The following BDP1 variants were observed in gnomAD, a reference collection of about 807,000 sequenced individuals.
BDP1 encodes the protein BDP1 general transcription factor IIIB subunit.
Under a neutral mutation model 266.6 loss-of-function variants are expected in BDP1, and 169 were observed. The ratio of observed to expected loss-of-function variants is 0.63; its 90% CI spans 0.56 to 0.72. The LOEUF is 0.72. Among genes scored for constraint, BDP1 ranks in the 30% least tolerant of loss-of-function variants. The pLI, the probability that BDP1 is intolerant of heterozygous loss-of-function variation, is 0.00. For synonymous variants in BDP1, 1,090 were observed against 1,022.4 expected (o/e 1.07, Z -1.26); for missense variants, 3,015 against 3,053.8 (o/e 0.99, Z 0.30).
chr5:71,533,340 G>T (rs1049631511), intron 26 of BDP1, among the ~76,000 whole-genome samples: 2 of 152,034 alleles, frequency 1.3e-5, no homozygotes, highest in African/African-American at 4.8e-5. Flanking sequence ...TTCATCAGTT[G>T]AGGAACTGCC....
Position 71,542,157 on chromosome 5 carries a change from A to G in BDP1, c.6304A>G (p.Lys2102Glu), listed in dbSNP as rs995668558. The G allele has an allele frequency of 2.5e-6, 4 of 1,612,908 alleles. No homozygotes were observed. Among genetic ancestry groups the G allele is most frequent in the Non-Finnish European group, 3.4e-6 (4 of 1,179,620 alleles). Residue 2102 changes from lysine (K) to glutamate (E), a missense_variant, in exon 30 of 39, where the codon AAG (lysine) becomes GAG (glutamate). Lys to Glu is a moderately conservative substitution (Grantham distance 56). Coordinates refer to ENST00000358731, the MANE Select transcript of BDP1 (RefSeq NM_018429.3). ...TTTGAGAATAAGAAGTAGGCTTGCT[A>G]AGCCTAAACCAAATCTTGAGAAGAC... Reference protein sequence around the residue: ...SNLRIRSRLAKPKPNLEKTLG... With the variant: ...SNLRIRSRLAEPKPNLEKTLG...
intron 3 of BDP1, among the ~76,000 whole-genome samples, chr5:71,463,761 GAGGTTACATGGAGCTGAGATCAC>G (rs1024385957): frequency 1.7e-4 from 26 of 151,280 alleles, no homozygotes; most frequent in Admixed American, 1.7e-3. Flanking sequence ...TCAAGAAGTA[GAGGTTACATGGAGCTGAGATCAC>G]AGCACTGCAC....
At chr5:71,511,281 C>A in intron 17 of BDP1, 130 bp downstream of exon 17, 2 of 892,464 alleles carry the variant, frequency 2.2e-6, no homozygotes, top group Non-Finnish European at 3.4e-6. Flanking sequence ...TCTTTTGTAG[C>A]CCTAAGTTTC....
intron 1 of BDP1, among the ~76,000 whole-genome samples, chr5:71,456,932 A>G (rs1761225616): frequency 6.6e-6 from 1 of 152,188 alleles, no homozygotes; most frequent in Non-Finnish European, 1.5e-5. Flanking sequence ...CTGTGATAGG[A>G]AGGTGAAACA....
chr5:71,510,147 A>C lies in BDP1; in HGVS notation c.3055A>C (p.Ser1019Arg). ...ETDLNATGRE[S>R]SPREKTPEVI... ...AGATTTGAACGCAACTGGAAGAGAGAGTTCTCCAAGGGAGAAGACACCAGA... is the reference window on the plus strand; with the variant it reads ...AGATTTGAACGCAACTGGAAGAGAGCGTTCTCCAAGGGAGAAGACACCAGA... Residue 1019 changes from serine (S) to arginine (R), a missense_variant, in exon 17 of 39, where the codon AGT (serine) becomes CGT (arginine). Coordinates refer to ENST00000358731, the MANE Select transcript of BDP1 (RefSeq NM_018429.3). 6.2e-7 allele frequency: 1 copy of C among 1,613,848 alleles called. No homozygotes were observed. The highest frequency in any genetic ancestry group is 8.5e-7 in the Non-Finnish European group (1 of 1,179,940).
At chr5:71,470,319 A>G in intron 6 of BDP1, 76 bp from the exon 7 acceptor site, 1 of 1,124,522 alleles carries the variant, frequency 8.9e-7, no homozygotes, top group South Asian at 1.4e-5. Context: ...AGTACTGTCA[A>G]ATTCTGTAAG....
chr5:71,553,161 A>T lies in BDP1; in HGVS notation c.7041A>T (p.Leu2347Phe), dbSNP rs1340620185. 3 of 1,613,158 alleles carry T rather than the reference A, an allele frequency of 1.9e-6. No homozygotes were observed. In the South Asian group the frequency reaches 3.3e-5, roughly 18 times the overall value. Residue 2347 changes from leucine (L) to phenylalanine (F), a missense_variant, in exon 35 of 39, where the codon TTA becomes TTT. Physicochemically the swap from Leu to Phe is conservative, Grantham distance 22. Around this residue, in one of 3 missense-constraint regions of BDP1, gnomAD observed 629 missense variants for 632.5 expected, o/e 0.99. Transcript: ENST00000358731. ...CAGTTGGTCAAGATGCCATGGGTTT[A>T]TCTATTTCTGGAAGAGATAATTCTA... ...ATSVGQDAMG[L>F]SISGRDNSKK...
At chr5:71,504,443 G>A (rs1265832015) in intron 15 of BDP1, among the ~76,000 whole-genome samples, 178 bp from the exon 16 acceptor site, 1 of 152,072 alleles carries the variant, frequency 6.6e-6, no homozygotes, top group Admixed American at 6.6e-5. Context: ...ATCCTAAAAG[G>A]AGTAACTCAT....
rs187778306 is a variant in BDP1 at position 71,559,999 on chromosome 5, C to T, written c.7258C>T (p.Gln2420Ter). 6.2e-7 allele frequency: 1 copy of T among 1,613,616 alleles called. No homozygotes were observed. The highest frequency in any genetic ancestry group is 8.5e-7 in the Non-Finnish European group (1 of 1,179,976). ...FEETGESHKG[Q>*]DIFLTSGSTL... ...TTTTGAAGGGGAGTCTCACAAGGGA[C>T]AAGATATTTTTCTTACCTCAGGAAG... is the stretch of plus-strand genomic sequence containing the variant. Residue 2420 changes from glutamine (Q) to a stop codon, truncating the protein, a stop_gained, in exon 37 of 39, where the codon CAA (glutamine) becomes TAA (stop). Transcript: ENST00000358731. LOFTEE classifies it high-confidence loss of function.
intron 33 of BDP1, 136 bp downstream of exon 33, chr5:71,548,881 A>G: frequency 1.5e-6 from 1 of 674,896 alleles, no homozygotes; most frequent in Admixed American, 2.7e-5. Flanking sequence ...TTATAGAAAC[A>G]CCTTGAAGTA....
In BDP1 at chr5:71,469,322, A is replaced by G. The variant is rs537078004; in HGVS notation, c.920-1073A>G. Among the ~76,000 whole-genome samples the G allele has an allele frequency of 8.8e-4, 133 of 151,974 alleles. 3 individuals carry two copies. The South Asian group carries it at 0.018, about 20-fold the overall frequency. On this transcript the variant is annotated intron_variant, in intron 6 of 38. Coordinates refer to ENST00000358731, the MANE Select transcript of BDP1 (RefSeq NM_018429.3). The stretch of plus-strand genomic sequence containing the variant: ...CCCAGCTAATTTTTGTGTTTTTAGT[A>G]GAGACGGGGTTTCACCATGTTGGCC...
chr5:71,531,229 G>T (rs1164403393), intron 25 of BDP1, among the ~76,000 whole-genome samples: 1 of 152,106 alleles, frequency 6.6e-6, no homozygotes, highest in Admixed American at 6.5e-5. Context: ...CGCAGCTGGG[G>T]TGACATGAGT....
chr5:71,501,115 C>A (rs1440753432), intron 13 of BDP1, among the ~76,000 whole-genome samples: 1 of 150,988 alleles, frequency 6.6e-6, no homozygotes, highest in African/African-American at 2.4e-5. Flanking sequence ...AAAAAAAATT[C>A]TCATCTGCAT....
At position 71,526,202 on chromosome 5, in the gene BDP1, C is replaced by T. The variant is rs1045881425; in HGVS notation, c.5772+1879C>T. On this transcript the variant is annotated intron_variant, in intron 25 of 38. Transcript: ENST00000358731. ...CTGCCATCCCGGCACCTCGGGAGGC[C>T]GAGGCTGGCGGATCACTCGCGGTTA... Among the ~76,000 whole-genome samples, 19 of 152,236 alleles carry T rather than the reference C, an allele frequency of 1.2e-4. No homozygotes were observed. In the East Asian group the frequency reaches 1.4e-3, roughly 11 times the overall value.
chr5:71,525,981 C>T (rs1164200606), intron 25 of BDP1, among the ~76,000 whole-genome samples: 1 of 152,070 alleles, frequency 6.6e-6, no homozygotes, highest in Non-Finnish European at 1.5e-5. Flanking sequence ...AGAGGCTCCT[C>T]ACATCCCAGA....
At chr5:71,490,961 T>G in intron 10 of BDP1, 23 bp from the exon 11 acceptor site, 1 of 1,570,134 alleles carries the variant, frequency 6.4e-7, no homozygotes, top group Non-Finnish European at 8.6e-7. Context: ...TTTTTTAGAA[T>G]AACATGCATT....
At chr5:71,573,102 G>A in the BDP1 span, among the ~76,000 whole-genome samples, 1 of 152,148 alleles carries the variant, frequency 6.6e-6, no homozygotes, top group African/African-American at 2.4e-5. Context: ...GGTGGCATGT[G>A]CCTGTAGTCC....
chr5:71,476,590 G>T (rs1762602174), intron 7 of BDP1, among the ~76,000 whole-genome samples: 1 of 152,022 alleles, frequency 6.6e-6, no homozygotes, highest in African/African-American at 2.4e-5. Context: ...ATCCAGGCTG[G>T]AGTGCAGTGG....
chr5:71,564,555 A>G (rs1743907178), intron 38 of BDP1, among the ~76,000 whole-genome samples, 199 bp from the exon 39 acceptor site: 1 of 152,094 alleles, frequency 6.6e-6, no homozygotes, highest in East Asian at 1.9e-4. Flanking sequence ...TACTATGTTT[A>G]GGATTATTTA....
Sources: allele counts gnomAD v4.1 joint callset (sites outside exome capture counted in the v4.1 genomes callset), GRCh38; gene constraint gnomAD v4.1.1; regional missense constraint gnomAD v4.1.1; transcripts MANE v1.5; gene names NCBI Gene and HGNC (gene_info 2026-07-23, HGNC 2026-07-21).